Variants in CRPPA observed in about 807,000 individuals in gnomAD.
CRPPA encodes CDP-L-ribitol pyrophosphorylase A, also known as D-ribitol-5-phosphate cytidylyltransferase.
Under a neutral mutation model 52.0 loss-of-function variants are expected in CRPPA, and 43 were observed. The ratio of observed to expected loss-of-function variants is 0.83; its 90% CI spans 0.65 to 1.07. The LOEUF (loss-of-function observed/expected upper bound fraction) is 1.07. Ranked by LOEUF, CRPPA falls within the 50% of genes least tolerant of loss-of-function variation. The pLI is 0.00. For synonymous variants in CRPPA, 250 were observed against 203.5 expected (o/e 1.23, Z -1.94); for missense variants, 629 against 551.7 (o/e 1.14, Z -1.40).
At chr7:16,399,062 G>A (rs898107739) in intron 2 of CRPPA, among the ~76,000 whole-genome samples, 3 of 152,156 alleles carry the variant, frequency 2.0e-5, no homozygotes, top group African/African-American at 7.2e-5. Context: ...ATTCACAATT[G>A]GTGCATGACC....
intron 8 of CRPPA, among the ~76,000 whole-genome samples, chr7:16,229,961 T>G (rs1782750432): frequency 6.6e-6 from 1 of 152,154 alleles, no homozygotes; most frequent in South Asian, 2.1e-4. Context: ...AAATATATCC[T>G]TTTGTTTTTT....
intron 9 of CRPPA, among the ~76,000 whole-genome samples, chr7:16,150,865 C>T (rs761293685): frequency 9.2e-5 from 14 of 152,130 alleles, no homozygotes; most frequent in East Asian, 3.9e-4. Flanking sequence ...GGATACCAAA[C>T]GAGTTTTTTA....
chr7:16,123,354 C>T (rs1030117596), intron 9 of CRPPA, among the ~76,000 whole-genome samples: 3 of 151,910 alleles, frequency 2.0e-5, no homozygotes, highest in Non-Finnish European at 2.9e-5. Flanking sequence ...AGAGGAATAT[C>T]AAATATAGAT....
At chr7:16,200,617 A>C (rs1056570643) in intron 9 of CRPPA, among the ~76,000 whole-genome samples, 5 of 152,224 alleles carry the variant, frequency 3.3e-5, no homozygotes. Flanking sequence ...CTACCTTATA[A>C]TGTTTTAATA....
intron 9 of CRPPA, among the ~76,000 whole-genome samples, chr7:16,196,028 A>C (rs1781725630): frequency 1.3e-5 from 2 of 152,202 alleles, no homozygotes; most frequent in African/African-American, 4.8e-5. Context: ...GTGAAAGCTC[A>C]CTAAATATTG....
rs201699220 is a variant in CRPPA at position 16,322,802 on chromosome 7, TATG to T, written c.685-14178_685-14176del. Among the ~76,000 whole-genome samples, 1,096 of 152,278 alleles carry T rather than the reference TATG, an allele frequency of 7.2e-3. 8 individuals are homozygous for T. Among genetic ancestry groups the T allele is most frequent in the South Asian group, 0.01 (49 of 4,828 alleles). On this transcript the variant is annotated intron_variant, in intron 3 of 9. Coordinates refer to ENST00000407010, the MANE Select transcript of CRPPA (RefSeq NM_001101426.4). ...GTGTATCAGTCCGTTCTCATGCTGC[TATG>T]AAGAAATACCCGAGACTTGGGAATT...
At position 16,336,245 on chromosome 7, in the gene CRPPA, T is replaced by C. The variant is rs140656123; in HGVS notation, c.685-27618A>G. On this transcript the variant is annotated intron_variant, in intron 3 of 9. Coordinates refer to ENST00000407010, the MANE Select transcript of CRPPA (RefSeq NM_001101426.4). The stretch of plus-strand genomic sequence containing the variant: ...TTGTAAGGGTAATGTATAAACCAAA[T>C]TAATCCCTTTTAAAAGAGTTAAAAG... Among the ~76,000 whole-genome samples the C allele has an allele frequency of 4.8e-3, 730 of 152,266 alleles. 3 individuals carry two copies. Among genetic ancestry groups the C allele is most frequent in the Middle Eastern group, 0.01 (3 of 294 alleles).
Position 16,190,851 on chromosome 7 carries a change from G to C in CRPPA, c.1251+25215C>G, listed in dbSNP as rs767212577. On this transcript the variant is annotated intron_variant, in intron 9 of 9. Transcript: ENST00000407010. ...CTTATAGCTTAGCTCCCATTTATGA[G>C]TGAAAACATGACGTTTGGTTTTCCA... Among the ~76,000 whole-genome samples, 9 of 152,126 alleles carry C rather than the reference G, an allele frequency of 5.9e-5. No individual in the cohort carries two copies. The South Asian group carries it at 6.2e-4, about 11-fold the overall frequency.
At chr7:16,373,265 T>C (rs1015044154) in intron 3 of CRPPA, among the ~76,000 whole-genome samples, 2 of 151,752 alleles carry the variant, frequency 1.3e-5, no homozygotes, top group African/African-American at 4.8e-5. Context: ...CATTGCAGTC[T>C]AGCCTGGGCA....
intron 2 of CRPPA, among the ~76,000 whole-genome samples, chr7:16,397,715 A>C (rs1430253271): frequency 6.6e-6 from 1 of 152,182 alleles, no homozygotes; most frequent in African/African-American, 2.4e-5. Context: ...TTGACATGCG[A>C]CCAACGTTTG....
intron 3 of CRPPA, among the ~76,000 whole-genome samples, chr7:16,327,548 G>A (rs910906629): frequency 7.0e-6 from 1 of 142,854 alleles, no homozygotes; most frequent in Non-Finnish European, 1.5e-5. Flanking sequence ...AGCCGAGATT[G>A]CGCCACTGCA....
intron 9 of CRPPA, among the ~76,000 whole-genome samples, chr7:16,119,570 G>A (rs149155809): frequency 3.2e-4 from 49 of 152,220 alleles, no homozygotes; most frequent in African/African-American, 1.2e-3. Context: ...AAAACCAAAT[G>A]TAACTCTATG....
At chr7:16,276,307 C>A (rs11975989) in intron 6 of CRPPA, among the ~76,000 whole-genome samples, 30,568 of 151,972 alleles carry the variant, frequency 0.2, 4,362 homozygotes, top group African/African-American at 0.4. Flanking sequence ...TACACAGAAG[C>A]ATCCACTATG....
At chr7:16,171,084 G>A (rs1044822025) in intron 9 of CRPPA, among the ~76,000 whole-genome samples, 21 of 152,226 alleles carry the variant, frequency 1.4e-4, no homozygotes, top group Non-Finnish European at 2.6e-4. Context: ...GGCCAAGGAG[G>A]CACTGAGAGC....
chr7:16,392,930 C>A (rs1384324430), intron 2 of CRPPA, among the ~76,000 whole-genome samples: 1 of 152,052 alleles, frequency 6.6e-6, no homozygotes, highest in African/African-American at 2.4e-5. Context: ...AAAAAGTATT[C>A]TTGTACTTCT....
chr7:16,302,541 A>G (rs964775859), intron 4 of CRPPA, among the ~76,000 whole-genome samples: 128 of 152,304 alleles, frequency 8.4e-4, no homozygotes, highest in African/African-American at 2.9e-3. Flanking sequence ...CTTAAAAGCT[A>G]CATTCAAGCA....
At chr7:16,403,975 C>G (rs371126882) in intron 2 of CRPPA, among the ~76,000 whole-genome samples, 1 of 152,192 alleles carries the variant, frequency 6.6e-6, no homozygotes, top group Middle Eastern at 3.4e-3. Flanking sequence ...CATAAAAAAG[C>G]CAGTTTTCTG....
At chr7:16,365,335 C>T (rs538602633) in intron 3 of CRPPA, among the ~76,000 whole-genome samples, 7 of 152,270 alleles carry the variant, frequency 4.6e-5, no homozygotes, top group Non-Finnish European at 1.0e-4. Flanking sequence ...CTGGATATGT[C>T]CCCATGTGAT....
At chr7:16,391,355 T>G (rs1200368194) in intron 2 of CRPPA, among the ~76,000 whole-genome samples, 1 of 152,116 alleles carries the variant, frequency 6.6e-6, no homozygotes, top group Non-Finnish European at 1.5e-5. Context: ...TCTGCCCACT[T>G]CTCACTGTCT....
Sources: gnomAD v4.1 joint callset for allele counts (sites outside exome capture counted in the v4.1 genomes callset) on GRCh38, gnomAD v4.1.1 for gene constraint, MANE v1.5 for transcripts, NCBI Gene and HGNC (gene_info 2026-07-23, HGNC 2026-07-21) for gene names.